The following SIDT1 variants were observed in gnomAD, a reference collection of about 807,000 sequenced individuals.
SIDT1 encodes SID1 transmembrane family, member 1.
Under a neutral mutation model 107.5 loss-of-function variants are expected in SIDT1, and 101 were observed. The ratio of observed to expected loss-of-function variants is 0.94; its 90% confidence interval spans 0.80 to 1.11. The LOEUF (loss-of-function observed/expected upper bound fraction) is 1.11. SIDT1 is among the 50% of genes least tolerant of loss of function. SIDT1 has a pLI of 0.00. For missense variants in SIDT1, 1,076 were observed against 1,058.2 expected (o/e 1.02, Z -0.23); for synonymous variants, 395 against 398.2 (o/e 0.99, Z 0.10).
intron 19 of SIDT1, among the ~76,000 whole-genome samples, chr3:113,613,227 T>C (rs1355158050): frequency 6.6e-6 from 1 of 152,212 alleles, no homozygotes; most frequent in Non-Finnish European, 1.5e-5. Context: ...CCTAGAGGTA[T>C]GCCCTAGTGG....
intron 23 of SIDT1, among the ~76,000 whole-genome samples, chr3:113,624,844 A>T (rs1191621553): frequency 2.0e-5 from 3 of 152,194 alleles, no homozygotes; most frequent in African/African-American, 7.2e-5. Flanking sequence ...CGAGTTCCAT[A>T]CGTGTTGCTG....
chr3:113,613,857 A>C (rs1196736041), intron 19 of SIDT1, among the ~76,000 whole-genome samples: 3 of 152,262 alleles, frequency 2.0e-5, no homozygotes, highest in Non-Finnish European at 4.4e-5. Flanking sequence ...ATCTTTTAAA[A>C]GAAGTGAAAT....
chr3:113,543,132 G>C (rs1434227868), intron 1 of SIDT1, among the ~76,000 whole-genome samples: 1 of 151,890 alleles, frequency 6.6e-6, no homozygotes, highest in Non-Finnish European at 1.5e-5. Flanking sequence ...GGAGAGACAG[G>C]GTTTCACCAT....
rs199937260 is a variant in SIDT1, at chr3:113,626,135, G to A, written c.2341G>A (p.Glu781Lys). ...TPAESREKNR[E>K]CILLDFFDDH... ...GGCCGAATCCCGGGAGAAGAACCGCGAGTGCATTCTGCTGGATTTCTTCGA... is the reference window on the plus strand; with the variant it reads ...GGCCGAATCCCGGGAGAAGAACCGCAAGTGCATTCTGCTGGATTTCTTCGA... The change falls in exon 24 of 25, where the codon GAG becomes AAG. Residue 781 changes from glutamate to lysine, a missense_variant. Physicochemically the swap from Glu to Lys is moderately conservative, Grantham distance 56. Coordinates refer to ENST00000264852, the MANE Select transcript of SIDT1 (RefSeq NM_017699.3). 4 of 1,613,948 alleles carry A rather than the reference G, an allele frequency of 2.5e-6. No homozygotes were observed. Among genetic ancestry groups the A allele is most frequent in the Middle Eastern group, 1.6e-4 (1 of 6,082 alleles).
At chr3:113,542,346 T>C (rs558012674) in intron 1 of SIDT1, among the ~76,000 whole-genome samples, 21 of 152,182 alleles carry the variant, frequency 1.4e-4, no homozygotes, top group Non-Finnish European at 2.8e-4. Flanking sequence ...CCTGATTATC[T>C]TATTTAGGGA....
chr3:113,579,202 C>T (rs184837470), intron 4 of SIDT1, among the ~76,000 whole-genome samples: 51 of 152,228 alleles, frequency 3.4e-4, no homozygotes, highest in African/African-American at 5.8e-4. Flanking sequence ...ATTTGTCGTT[C>T]GCTTCTTTCT....
In SIDT1 at chr3:113,628,028, C is replaced by T. The variant is rs915983138; in HGVS notation, c.*320C>T. 3.1e-6 allele frequency: 1 copy of T among 324,642 alleles called. No homozygotes were observed. The highest frequency in any genetic ancestry group is 5.8e-6 in the Non-Finnish European group (1 of 173,366). The allele number at this position is 324,642 out of a possible 1,614,324, so 20.1% of individuals were successfully genotyped here. A position where few individuals can be genotyped will look rare whatever the true frequency, so the allele number is the denominator to read the frequency against. ...TCACCATCTTGGGGTCCCTCCCACC[C>T]TCACGGAGACTTGCCAGCAATGGCA... On this transcript the variant is annotated 3_prime_UTR_variant, in exon 25 of 25. Transcript: ENST00000264852.
intron 11 of SIDT1, 65 bp downstream of exon 11, chr3:113,601,724 C>A: frequency 1.8e-6 from 2 of 1,139,566 alleles, no homozygotes; most frequent in Non-Finnish European, 1.3e-6. Context: ...GATAGAAAGG[C>A]ATTCCAGCCA....
chr3:113,559,168 T>C (rs1413664745), intron 1 of SIDT1, among the ~76,000 whole-genome samples: 1 of 152,246 alleles, frequency 6.6e-6, no homozygotes, highest in African/African-American at 2.4e-5. Context: ...TTATGACTCC[T>C]TGTACATATG....
intron 14 of SIDT1, 78 bp from the exon 15 acceptor site, chr3:113,606,963 G>C (rs961584291): frequency 3.3e-5 from 30 of 897,394 alleles, no homozygotes; most frequent in Non-Finnish European, 5.3e-5. Context: ...CGTGAGCCCT[G>C]TCTGCTCTTT....
At chr3:113,615,171 T>C in intron 19 of SIDT1, 1 of 1,345,294 alleles carries the variant, frequency 7.4e-7, no homozygotes, top group African/African-American at 1.4e-5. Flanking sequence ...CTGAACAGCC[T>C]CTTTCAGGCC....
At chr3:113,635,772 C>A in the SIDT1 span, among the ~76,000 whole-genome samples, 1 of 151,204 alleles carries the variant, frequency 6.6e-6, no homozygotes, top group South Asian at 2.1e-4. Flanking sequence ...GAGGCTGAGG[C>A]AGGGGAATTG....
chr3:113,613,276 CT>C (rs1318567323), intron 19 of SIDT1, among the ~76,000 whole-genome samples: 1 of 152,222 alleles, frequency 6.6e-6, no homozygotes, highest in Non-Finnish European at 1.5e-5. Flanking sequence ...GGGAAGGGGG[CT>C]ATGCAGGCCT....
chr3:113,607,702 A>G (rs1326994535), intron 15 of SIDT1, among the ~76,000 whole-genome samples: 1 of 152,210 alleles, frequency 6.6e-6, no homozygotes, highest in Non-Finnish European at 1.5e-5. Flanking sequence ...GAAATTCACA[A>G]TTAGAGAGCT....
At position 113,592,112 on chromosome 3, in the gene SIDT1, A is replaced by G. The variant is rs1324191016; in HGVS notation, c.1002-893A>G. ...AGGCAAACTTATAGAGACAGAAAGTAGATTAGTGTTTTCTAGGGGATGGGG... is the reference window on the plus strand; with the variant it reads ...AGGCAAACTTATAGAGACAGAAAGTGGATTAGTGTTTTCTAGGGGATGGGG... On this transcript the variant is annotated intron_variant, in intron 9 of 24. Coordinates refer to ENST00000264852, the MANE Select transcript of SIDT1 (RefSeq NM_017699.3). 2.0e-5 allele frequency among the ~76,000 whole-genome samples: 3 copies of G among 152,220 alleles called. No homozygotes were observed. In the East Asian group the frequency reaches 5.8e-4, roughly 29 times the overall value.
In SIDT1 at chr3:113,623,443, A is replaced by C; in HGVS notation, c.2107A>C (p.Ile703Leu). ...VNWSFALFGLIYRPRDFASYM... is the reference protein window; with the variant it reads ...VNWSFALFGLLYRPRDFASYM... ...CGCCTGCAGCGCCCTCTTTGGATTG[A>C]TATACCGCCCCAGGGACTTTGCTTC... The change falls in exon 22 of 25, where the codon ATA becomes CTA. Residue 703 changes from isoleucine (I) to leucine (L), a missense_variant. Coordinates refer to ENST00000264852, the MANE Select transcript of SIDT1 (RefSeq NM_017699.3). The C allele has an allele frequency of 6.2e-7, 1 of 1,613,682 alleles. No individual in the cohort carries two copies. Among genetic ancestry groups the C allele is most frequent in the Non-Finnish European group, 8.5e-7 (1 of 1,179,628 alleles).
chr3:113,539,781 T>G lies in SIDT1; in HGVS notation c.222+6538T>G, dbSNP rs1938595462. 2.0e-5 allele frequency among the ~76,000 whole-genome samples: 3 copies of G among 152,216 alleles called. 1 individual carries two copies. The highest frequency in any genetic ancestry group is 2.0e-4 in the Admixed American group (3 of 15,294). ...ATTTGGGGAGGCCAAGGTGGGTGGA[T>G]CACCTGAGGTCATGAGTTCGAGACC... On this transcript the variant is annotated intron_variant, in intron 1 of 24. Coordinates refer to ENST00000264852, the MANE Select transcript of SIDT1 (RefSeq NM_017699.3).
intron 20 of SIDT1, among the ~76,000 whole-genome samples, chr3:113,618,689 C>T (rs1420266719): frequency 6.6e-6 from 1 of 152,160 alleles, no homozygotes; most frequent in South Asian, 2.1e-4. Context: ...CAAAGAATTA[C>T]TACTTTTAAA....
intron 3 of SIDT1, among the ~76,000 whole-genome samples, chr3:113,568,461 G>A (rs947842577): frequency 2.6e-5 from 4 of 151,890 alleles, no homozygotes; most frequent in African/African-American, 4.8e-5. Flanking sequence ...AGGCACGGTG[G>A]CGGGCACCTG....
Sources: gnomAD v4.1 joint callset for allele counts (sites outside exome capture counted in the v4.1 genomes callset) on GRCh38, gnomAD v4.1.1 for gene constraint, MANE v1.5 for transcripts, NCBI Gene and HGNC (gene_info 2026-07-23, HGNC 2026-07-21) for gene names.